The following PALD1 variants were observed in gnomAD, a reference collection of about 807,000 sequenced individuals.
The protein encoded by PALD1 is phosphatase domain containing paladin 1, also known as paladin.
A neutral mutation model predicts 96.0 loss-of-function variants in PALD1; 57 were observed. That is an observed-to-expected ratio of 0.59 (90% confidence interval 0.48 to 0.74). PALD1 has a LOEUF of 0.74. PALD1 is among the 30% of genes least tolerant of loss of function. The pLI, the probability that PALD1 is intolerant of heterozygous loss-of-function variation, is 0.00. For missense variants in PALD1, 1,063 were observed against 1,143.7 expected, an observed-to-expected ratio of 0.93 and a Z score of 1.02; for synonymous variants, 464 against 473.6, an observed-to-expected ratio of 0.98 and a Z score of 0.26.
chr10:70,473,651 A>T, the PALD1 span, among the ~76,000 whole-genome samples: 1 of 149,216 alleles, frequency 6.7e-6, no homozygotes, highest in African/African-American at 2.5e-5. Context: ...TTACAGACTA[A>T]TTTTTTTTTT....
chr10:70,516,055 G>A (rs1480971388), intron 1 of PALD1, among the ~76,000 whole-genome samples: 1 of 152,234 alleles, frequency 6.6e-6, no homozygotes. Flanking sequence ...AGCAAGAGGT[G>A]TCCTCAGGGT....
At chr10:70,476,972 T>C (rs938839593), upstream of PALD1, among the ~76,000 whole-genome samples, 7 of 152,150 alleles carry the variant, frequency 4.6e-5, no homozygotes, top group African/African-American at 1.4e-4. Context: ...TCCCTATAGG[T>C]ATGCATGTTT....
At chr10:70,469,379 A>C in the PALD1 span, among the ~76,000 whole-genome samples, 9 of 152,154 alleles carry the variant, frequency 5.9e-5, no homozygotes, top group African/African-American at 2.2e-4. Flanking sequence ...AGGCTGGGGA[A>C]CAACTGTTTA....
intron 4 of PALD1, 61 bp from the exon 5 acceptor site, chr10:70,531,229 T>G (rs541680164): frequency 7.1e-7 from 1 of 1,415,346 alleles, no homozygotes; most frequent in African/African-American, 1.4e-5. Flanking sequence ...GGTGGGGCAG[T>G]GGTGCAGGTG....
chr10:70,463,209 C>T, the PALD1 span, among the ~76,000 whole-genome samples: 22 of 152,148 alleles, frequency 1.4e-4, no homozygotes, highest in Non-Finnish European at 3.1e-4. Context: ...TCAAGACCAT[C>T]CTGGCTAACA....
At chr10:70,460,372 A>T in the PALD1 span, among the ~76,000 whole-genome samples, 2 of 152,034 alleles carry the variant, frequency 1.3e-5, no homozygotes, top group African/African-American at 4.8e-5. Flanking sequence ...CCCTGCACCC[A>T]CCGGCCTACC....
chr10:70,500,115 C>T (rs754314493), intron 1 of PALD1, among the ~76,000 whole-genome samples: 6 of 152,160 alleles, frequency 3.9e-5, no homozygotes, highest in Admixed American at 6.5e-5. Flanking sequence ...AAGGCTCGAG[C>T]CCACACAGTC....
chr10:70,527,717 G>A (rs1846897747), intron 2 of PALD1, among the ~76,000 whole-genome samples: 1 of 152,194 alleles, frequency 6.6e-6, no homozygotes. Flanking sequence ...AGGCAGAGCT[G>A]GAGTGGGAAC....
intron 18 of PALD1, among the ~76,000 whole-genome samples, chr10:70,556,293 T>TCTCC (rs1564711172): frequency 7.5e-6 from 1 of 133,742 alleles, no homozygotes; most frequent in African/African-American, 2.7e-5. Context: ...TCTCTCTCTC[T>TCTCC]CTCTCTCTCT....
At chr10:70,469,417 A>AATGCTTG in the PALD1 span, among the ~76,000 whole-genome samples, 1 of 152,118 alleles carries the variant, frequency 6.6e-6, no homozygotes, top group African/African-American at 2.4e-5. Context: ...GTGAATGCTT[A>AATGCTTG]TCTCAGATTG....
intron 1 of PALD1, among the ~76,000 whole-genome samples, chr10:70,515,208 G>A (rs955571004): frequency 3.3e-5 from 5 of 152,130 alleles, no homozygotes; most frequent in Admixed American, 6.5e-5. Context: ...GCCCAAAGCT[G>A]GTGGGGGCAG....
Position 70,566,865 on chromosome 10 carries a change from G to A in PALD1, c.*132G>A, listed in dbSNP as rs1009563442. ...TTCCCCCACTTCCTGGAGAGACTGA[G>A]CGGAGTTGGGAGCCTTTTTAGAAAG... On this transcript the variant is annotated 3_prime_UTR_variant, in exon 20 of 20. Coordinates refer to ENST00000263563, the MANE Select transcript of PALD1 (RefSeq NM_014431.3). The A allele has an allele frequency of 8.1e-6, 5 of 621,092 alleles. No individual in the cohort carries two copies. Among genetic ancestry groups the A allele is most frequent in the Non-Finnish European group, 1.4e-5 (5 of 362,180 alleles). 38.5% of individuals were successfully genotyped at this position (621,092 alleles called of 1,614,324 possible).
chr10:70,500,160 G>A (rs552366175), intron 1 of PALD1, among the ~76,000 whole-genome samples: 25 of 152,298 alleles, frequency 1.6e-4, no homozygotes, highest in Admixed American at 1.5e-3. Context: ...TTGGTCTGGT[G>A]TGTGGTACCT....
At chr10:70,484,101 C>T (rs780954328) in intron 1 of PALD1, among the ~76,000 whole-genome samples, 8 of 152,114 alleles carry the variant, frequency 5.3e-5, no homozygotes, top group Non-Finnish European at 1.0e-4. Flanking sequence ...GTCCCAGGTT[C>T]AAGCAATTCT....
intron 1 of PALD1, among the ~76,000 whole-genome samples, chr10:70,500,122 A>G (rs959932534): frequency 2.6e-5 from 4 of 152,212 alleles, no homozygotes; most frequent in African/African-American, 9.7e-5. Context: ...GAGCCCACAC[A>G]GTCTGCATTC....
the PALD1 span, among the ~76,000 whole-genome samples, chr10:70,468,540 G>T: frequency 6.6e-6 from 1 of 152,086 alleles, no homozygotes; most frequent in South Asian, 2.1e-4. Context: ...TACTGTGCCT[G>T]GTCACCAGGC....
chr10:70,479,128 G>C (rs1845884222), intron 1 of PALD1, 69 bp downstream of exon 1: 1 of 152,594 alleles, frequency 6.6e-6, no homozygotes, highest in Admixed American at 6.5e-5. Context: ...GCACCCCCCA[G>C]CCCGAGGCTG....
At chr10:70,532,872 G>A (rs773586927) in intron 6 of PALD1, 91 bp downstream of exon 6, 49 of 1,529,400 alleles carry the variant, frequency 3.2e-5, no homozygotes, top group Admixed American at 1.7e-4. Flanking sequence ...CAGGTTGGGC[G>A]GAGTCCCCCA....
chr10:70,535,372 T>A (rs1367508873), intron 10 of PALD1, among the ~76,000 whole-genome samples: 1 of 151,708 alleles, frequency 6.6e-6, no homozygotes, highest in Non-Finnish European at 1.5e-5. Flanking sequence ...CTTCTCTTCC[T>A]CCTCCTCCTT....
Sources: allele counts gnomAD v4.1 joint callset (sites outside exome capture counted in the v4.1 genomes callset), GRCh38; gene constraint gnomAD v4.1.1; transcripts MANE v1.5; gene names NCBI Gene and HGNC (gene_info 2026-07-23, HGNC 2026-07-21).